The following BAIAP2 variants were observed in gnomAD, a reference collection of about 807,000 sequenced individuals.
The protein encoded by BAIAP2 is BAR/IMD domain containing adaptor protein 2.
In BAIAP2, 18 loss-of-function variants were observed where a neutral mutation model predicts 63.0. That is an observed-to-expected ratio of 0.29 (90% CI 0.20 to 0.42). BAIAP2 has a LOEUF of 0.42. Among genes scored for constraint, BAIAP2 ranks in the 10% least tolerant of loss-of-function variants. BAIAP2 has a pLI of 1.00. For synonymous variants in BAIAP2, 386 were observed against 307.6 expected (o/e 1.25, Z -2.67); for missense variants, 610 against 734.3 (o/e 0.83, Z 1.96).
At chr17:81,053,050 CATTT>C (rs996884120) in intron 1 of BAIAP2, among the ~76,000 whole-genome samples, 1 of 152,192 alleles carries the variant, frequency 6.6e-6, no homozygotes, top group African/African-American at 2.4e-5. Flanking sequence ...GTAATTAAAA[CATTT>C]ATTTGGCCTT....
At position 81,046,740 on chromosome 17, in the gene BAIAP2, C is replaced by G. The variant is rs968592830; in HGVS notation, c.55-6928C>G. Reference sequence around the variant, plus strand: ...CCCTCCTGTACCTCCCTAGTCCATGCTGTACATGTGGCCGGGGGTTTCCAG... The same window carrying G: ...CCCTCCTGTACCTCCCTAGTCCATGGTGTACATGTGGCCGGGGGTTTCCAG... On this transcript the variant is annotated intron_variant, in intron 1 of 13. Coordinates refer to ENST00000428708, the MANE Select transcript of BAIAP2 (RefSeq NM_001144888.2). The surrounding 1 kb of genome is among the most constrained non-coding windows in gnomAD (Gnocchi z 4.5). Among the ~76,000 whole-genome samples, 1 of 151,984 alleles carries G rather than the reference C, an allele frequency of 6.6e-6. No individual in the cohort carries two copies. The highest frequency in any genetic ancestry group is 6.5e-5 in the Admixed American group (1 of 15,272).
chr17:81,053,736 A>C lies in BAIAP2; in HGVS notation c.123A>C (p.Ala41=). The change falls in exon 2 of 14, where the codon GCA becomes GCC. Residue 41 remains alanine, a synonymous_variant. Coordinates refer to ENST00000428708, the MANE Select transcript of BAIAP2 (RefSeq NM_001144888.2). Reference sequence around the variant, plus strand: ...CCATGGGGAAGAATTACGAGAAGGCACTGGCAGGTGGAACTGCGCCCGGGC... The same window carrying C: ...CCATGGGGAAGAATTACGAGAAGGCCCTGGCAGGTGGAACTGCGCCCGGGC... ...FIAMGKNYEK[A]LAGVTYAAKG... 1 of 1,613,834 alleles carries C rather than the reference A, an allele frequency of 6.2e-7. No individual in the cohort carries two copies. Among genetic ancestry groups the C allele is most frequent in the South Asian group, 1.1e-5 (1 of 91,086 alleles).
chr17:81,056,705 C>G (rs1348705470), intron 2 of BAIAP2, among the ~76,000 whole-genome samples: 1 of 152,236 alleles, frequency 6.6e-6, no homozygotes, highest in Non-Finnish European at 1.5e-5. Flanking sequence ...ACTTCCTGCT[C>G]CTGCTTTTCT....
chr17:81,116,091 A>C lies in BAIAP2; in HGVS notation c.*252A>C, dbSNP rs1254353123. On this transcript the variant is annotated 3_prime_UTR_variant, in exon 14 of 14. Transcript: ENST00000428708. ...GGCTGAGGGGCCGCCTCTTGAGGGTACACGCCTCTGGTCACATGGCCATGG... is the reference window on the plus strand; with the variant it reads ...GGCTGAGGGGCCGCCTCTTGAGGGTCCACGCCTCTGGTCACATGGCCATGG... 6.6e-7 allele frequency: 1 copy of C among 1,519,226 alleles called. No homozygotes were observed. The highest frequency in any genetic ancestry group is 8.8e-7 in the Non-Finnish European group (1 of 1,136,808). 94.1% of individuals were successfully genotyped at this position (1,519,226 alleles called of 1,614,324 possible). A position where few individuals can be genotyped will look rare whatever the true frequency, so the allele number is the denominator to read the frequency against.
intron 3 of BAIAP2, chr17:81,083,685 C>T (rs564398812): frequency 3.3e-5 from 5 of 152,392 alleles, no homozygotes; most frequent in African/African-American, 1.2e-4. Flanking sequence ...TGGCTGCACT[C>T]TGGGGGCGCT....
chr17:81,085,612 G>A (rs776577399), intron 4 of BAIAP2, 42 bp from the exon 5 acceptor site: 2 of 1,548,778 alleles, frequency 1.3e-6, no homozygotes, highest in Admixed American at 1.7e-5. Context: ...CCGGGTCCAT[G>A]TGTTGGAGCT....
chr17:81,066,032 C>T (rs986281255), intron 3 of BAIAP2, among the ~76,000 whole-genome samples: 2 of 152,268 alleles, frequency 1.3e-5, no homozygotes, highest in Non-Finnish European at 2.9e-5. Flanking sequence ...GCCTGTCTAT[C>T]TGGGGCCCTG....
intron 9 of BAIAP2, 129 bp from the exon 10 acceptor site, chr17:81,104,385 G>C: frequency 9.5e-7 from 1 of 1,048,820 alleles, no homozygotes. Context: ...CTGCTGCGGA[G>C]AGCTTAGCCA....
intron 7 of BAIAP2, among the ~76,000 whole-genome samples, chr17:81,100,678 G>A (rs1181089833): frequency 6.6e-6 from 1 of 152,140 alleles, no homozygotes; most frequent in Non-Finnish European, 1.5e-5. Flanking sequence ...GCCATAGCTC[G>A]GCTGTCGTAC....
intron 3 of BAIAP2, among the ~76,000 whole-genome samples, chr17:81,077,853 G>T (rs1013985392): frequency 6.6e-6 from 1 of 151,388 alleles, no homozygotes; most frequent in Admixed American, 6.6e-5. Flanking sequence ...GTGCCATCTT[G>T]GGTGGGAGCC....
chr17:81,057,634 T>C, intron 2 of BAIAP2: 1 of 1,262,252 alleles, frequency 7.9e-7, no homozygotes, highest in African/African-American at 1.5e-5. Flanking sequence ...CTTGAATAGC[T>C]CAGGACCTGA....
chr17:81,097,758 G>A (rs932861121), intron 6 of BAIAP2: 3 of 199,704 alleles, frequency 1.5e-5, no homozygotes, highest in East Asian at 1.1e-4. Flanking sequence ...CCTGGCAGAG[G>A]AGAAGCTGGC....
At chr17:81,112,208 C>A (rs1024403094) in intron 13 of BAIAP2, among the ~76,000 whole-genome samples, 1 of 152,210 alleles carries the variant, frequency 6.6e-6, no homozygotes, top group Non-Finnish European at 1.5e-5. Context: ...ACTGCCCTTA[C>A]CTGGTGAGGC....
At chr17:81,071,657 G>A (rs570671264) in intron 3 of BAIAP2, among the ~76,000 whole-genome samples, 4 of 152,372 alleles carry the variant, frequency 2.6e-5, no homozygotes, top group East Asian at 3.9e-4. Flanking sequence ...TGACCACTCG[G>A]TAGCAGCGCC....
At chr17:81,100,594 A>C (rs1568170255) in intron 7 of BAIAP2, among the ~76,000 whole-genome samples, 1 of 152,036 alleles carries the variant, frequency 6.6e-6, no homozygotes, top group African/African-American at 2.4e-5. Flanking sequence ...GTCCCCAGCC[A>C]CCCAAGACCA....
chr17:81,106,245 G>A (rs954395618), intron 11 of BAIAP2, 99 bp downstream of exon 11: 26 of 1,289,170 alleles, frequency 2.0e-5, no homozygotes, highest in African/African-American at 8.9e-5. Context: ...CTGGGCTTCC[G>A]GCTCCTTGTC....
At chr17:81,039,799 C>T (rs775654989) in intron 1 of BAIAP2, among the ~76,000 whole-genome samples, 1 of 152,142 alleles carries the variant, frequency 6.6e-6, no homozygotes, top group Non-Finnish European at 1.5e-5. Flanking sequence ...GCTGAACTGT[C>T]CAGGATAGGT....
intron 3 of BAIAP2, among the ~76,000 whole-genome samples, chr17:81,071,567 A>C (rs2052667077): frequency 6.6e-6 from 1 of 152,240 alleles, no homozygotes; most frequent in Non-Finnish European, 1.5e-5. Context: ...GAAGAGTTCC[A>C]GTGCCTCCGG....
intron 3 of BAIAP2, among the ~76,000 whole-genome samples, chr17:81,082,416 G>A (rs886772721): frequency 6.6e-6 from 1 of 152,134 alleles, no homozygotes; most frequent in Non-Finnish European, 1.5e-5. Context: ...ATCTTCGCAG[G>A]CAGAGGGTGA....
Sources: allele counts gnomAD v4.1 joint callset (sites outside exome capture counted in the v4.1 genomes callset), GRCh38; gene constraint gnomAD v4.1.1; non-coding constraint Gnocchi (gnomAD v3.1); transcripts MANE v1.5; gene names NCBI Gene and HGNC (gene_info 2026-07-23, HGNC 2026-07-21).